OSBPL10: variants seen among roughly 807,000 people sequenced by gnomAD.
OSBPL10 encodes the protein oxysterol binding protein like 10.
A neutral mutation model predicts 81.7 loss-of-function variants in OSBPL10; 49 were observed. The observed-to-expected ratio is 0.60, with a 90% CI of 0.48 to 0.76. The LOEUF (loss-of-function observed/expected upper bound fraction) is 0.76. OSBPL10 is among the 30% of genes least tolerant of loss of function. OSBPL10 has a pLI of 0.00. For missense variants in OSBPL10, 923 were observed against 987.8 expected (o/e 0.93, Z 0.88); for synonymous variants, 419 against 383.6 (o/e 1.09, Z -1.08).
intron 11 of OSBPL10, chr3:31,662,778 G>A (rs572342156): frequency 8.0e-4 from 786 of 985,382 alleles, no homozygotes; most frequent in Non-Finnish European, 9.3e-4. Context: ...TGTTGTTGTT[G>A]CTGTTTAATG....
At chr3:31,845,912 G>A (rs571737589) in intron 3 of OSBPL10, among the ~76,000 whole-genome samples, 6 of 152,226 alleles carry the variant, frequency 3.9e-5, no homozygotes, top group African/African-American at 7.2e-5. Context: ...GAGGAATCCC[G>A]CACAACTGTG....
chr3:31,685,343 C>T (rs1700764193), intron 7 of OSBPL10, among the ~76,000 whole-genome samples: 1 of 152,182 alleles, frequency 6.6e-6, no homozygotes, highest in Admixed American at 6.5e-5. Flanking sequence ...GCTGGGACTA[C>T]AGGCACATGC....
chr3:31,700,831 A>G (rs1319968553), intron 7 of OSBPL10, among the ~76,000 whole-genome samples: 1 of 152,218 alleles, frequency 6.6e-6, no homozygotes, highest in Non-Finnish European at 1.5e-5. Context: ...TGAAAAAACA[A>G]TAAGCATTAT....
At chr3:31,930,786 G>A (rs563650166) in intron 1 of OSBPL10, among the ~76,000 whole-genome samples, 20 of 152,012 alleles carry the variant, frequency 1.3e-4, no homozygotes, top group Admixed American at 3.3e-4. Context: ...AGGCCGAGGC[G>A]GGTAGATCAC....
chr3:31,672,515 T>G lies in OSBPL10; in HGVS notation c.1727-1532A>C, dbSNP rs79397259. ...CTTGCCAGGGGAGTCTGAGGAGAGA[T>G]AGGGTTAATTTGTACAAAGGAGTCA... On this transcript the variant is annotated intron_variant, in intron 8 of 11. Transcript: ENST00000396556. 2.0e-3 allele frequency among the ~76,000 whole-genome samples: 302 copies of G among 151,846 alleles called. 7 individuals carry two copies. The East Asian group carries it at 0.047, about 24-fold the overall frequency.
chr3:31,901,618 T>C (rs902442079), intron 1 of OSBPL10, among the ~76,000 whole-genome samples: 3 of 152,212 alleles, frequency 2.0e-5, no homozygotes, highest in Non-Finnish European at 2.9e-5. Flanking sequence ...TTCTCACAAG[T>C]CATCACTGTG....
At chr3:31,905,717 A>G (rs976616101) in intron 1 of OSBPL10, among the ~76,000 whole-genome samples, 5 of 151,954 alleles carry the variant, frequency 3.3e-5, no homozygotes, top group Non-Finnish European at 7.4e-5. Context: ...ACAAAGATTA[A>G]TAAACATCAC....
At chr3:31,979,022 A>C (rs1698757734) in intron 1 of OSBPL10, among the ~76,000 whole-genome samples, 1 of 152,212 alleles carries the variant, frequency 6.6e-6, no homozygotes, top group African/African-American at 2.4e-5. Flanking sequence ...CCAGGGTAAA[A>C]GCTTTGCTGG....
rs757821660 is a variant in OSBPL10 at position 31,733,427 on chromosome 3, A to G, written c.941-16T>C. The G allele has an allele frequency of 1.4e-5, 22 of 1,614,038 alleles. No individual in the cohort carries two copies. Among genetic ancestry groups the G allele is most frequent in the Non-Finnish European group, 3.4e-6 (4 of 1,179,976 alleles). ...AGGATGTTTTCTGAAATAAAGACCT[A>G]GAATGATGCCAAGTATTTTCCAAAT... On this transcript the variant is annotated splice_polypyrimidine_tract_variant and intron_variant, in intron 5 of 11. Coordinates refer to ENST00000396556, the MANE Select transcript of OSBPL10 (RefSeq NM_017784.5).
chr3:32,042,611 G>A (rs1699589163), intron 2 of OSBPL10, among the ~76,000 whole-genome samples: 1 of 152,094 alleles, frequency 6.6e-6, no homozygotes, highest in Admixed American at 6.6e-5. Context: ...GTGTTGGCCG[G>A]CCGAGAAATA....
intron 3 of OSBPL10, among the ~76,000 whole-genome samples, chr3:31,852,927 G>C (rs1700806270): frequency 6.6e-6 from 1 of 152,094 alleles, no homozygotes; most frequent in South Asian, 2.1e-4. Context: ...GAGAATCTAG[G>C]AATTTAAAGG....
intron 1 of OSBPL10, among the ~76,000 whole-genome samples, chr3:32,055,125 G>T (rs2125436898): frequency 7.2e-6 from 1 of 139,366 alleles, no homozygotes; most frequent in East Asian, 2.3e-4. Flanking sequence ...ATGACTTTTT[G>T]CTTAAAACTT....
chr3:31,925,512 C>T (rs1697047483), intron 1 of OSBPL10, among the ~76,000 whole-genome samples: 1 of 149,942 alleles, frequency 6.7e-6, no homozygotes, highest in African/African-American at 2.5e-5. Flanking sequence ...GAAAGGAGTG[C>T]TATTAATAAT....
chr3:31,893,017 A>G (rs114724766), intron 1 of OSBPL10, among the ~76,000 whole-genome samples: 1 of 152,272 alleles, frequency 6.6e-6, no homozygotes, highest in African/African-American at 2.4e-5. Context: ...GCCTATGCTC[A>G]GGCACAGGGA....
chr3:32,030,503 A>G, intron 2 of OSBPL10: 1 of 716,466 alleles, frequency 1.4e-6, no homozygotes, highest in South Asian at 1.4e-5. Flanking sequence ...AAGGGCTGAG[A>G]TCGCTTCCTA....
intron 1 of OSBPL10, among the ~76,000 whole-genome samples, chr3:31,962,735 C>G (rs932820059): frequency 6.6e-6 from 1 of 152,194 alleles, no homozygotes; most frequent in African/African-American, 2.4e-5. Context: ...ACCACAGGAG[C>G]ACATAAAGTC....
At chr3:32,035,877 T>A (rs1446281161) in intron 2 of OSBPL10, among the ~76,000 whole-genome samples, 1 of 152,174 alleles carries the variant, frequency 6.6e-6, no homozygotes, top group East Asian at 1.9e-4. Context: ...GGTGCAACCA[T>A]CACTACCATC....
intron 4 of OSBPL10, among the ~76,000 whole-genome samples, chr3:31,757,602 C>A (rs549198426): frequency 6.6e-6 from 1 of 152,220 alleles, no homozygotes; most frequent in Admixed American, 6.5e-5. Context: ...CTAAGAAACA[C>A]ATCACAGACA....
chr3:31,908,554 G>C (rs571247783), intron 1 of OSBPL10, among the ~76,000 whole-genome samples: 2 of 152,332 alleles, frequency 1.3e-5, no homozygotes, highest in East Asian at 1.9e-4. Context: ...AATGGTGCCA[G>C]GTGTTTTTTG....
Sources: gnomAD v4.1 joint callset for allele counts (sites outside exome capture counted in the v4.1 genomes callset) on GRCh38, gnomAD v4.1.1 for gene constraint, MANE v1.5 for transcripts, NCBI Gene and HGNC (gene_info 2026-07-23, HGNC 2026-07-21) for gene names.